The following ADIPOR2 variants were observed in gnomAD, a reference collection of about 807,000 sequenced individuals.
ADIPOR2 encodes the protein adiponectin receptor 2.
ADIPOR2 carries 18 observed loss-of-function variants against 40.9 expected under a neutral mutation model. The observed-to-expected ratio is 0.44, with a 90% confidence interval of 0.30 to 0.65. The LOEUF is 0.65. ADIPOR2 is among the 30% of genes least tolerant of loss of function. ADIPOR2 has a pLI of 0.09. For synonymous variants in ADIPOR2, 165 were observed against 166.4 expected (o/e 0.99, Z 0.06); for missense variants, 283 against 479.2 (o/e 0.59, Z 3.82).
intron 2 of ADIPOR2, among the ~76,000 whole-genome samples, chr12:1,772,073 T>C (rs1862503519): frequency 6.6e-6 from 1 of 152,234 alleles, no homozygotes; most frequent in Non-Finnish European, 1.5e-5. Context: ...CACAATATCA[T>C]TTTATCTAAA....
intron 7 of ADIPOR2, among the ~76,000 whole-genome samples, chr12:1,784,633 T>C (rs920240043): frequency 1.3e-5 from 2 of 152,088 alleles, no homozygotes; most frequent in Non-Finnish European, 2.9e-5. Flanking sequence ...GGAGACTGAG[T>C]GTATGTATGT....
At chr12:1,703,803 G>A (rs888447574) in intron 1 of ADIPOR2, among the ~76,000 whole-genome samples, 5 of 151,816 alleles carry the variant, frequency 3.3e-5, no homozygotes, top group African/African-American at 9.7e-5. Flanking sequence ...TTTTGTTTGC[G>A]ACAGGGCTCA....
chr12:1,766,858 T>G (rs1370109571), intron 2 of ADIPOR2, among the ~76,000 whole-genome samples: 1 of 152,238 alleles, frequency 6.6e-6, no homozygotes, highest in Non-Finnish European at 1.5e-5. Context: ...CTGGTTTACT[T>G]TAACCAAAAT....
At chr12:1,734,981 T>C (rs1048010962) in intron 1 of ADIPOR2, among the ~76,000 whole-genome samples, 13 of 152,210 alleles carry the variant, frequency 8.5e-5, no homozygotes, top group Non-Finnish European at 1.6e-4. Flanking sequence ...AGTACCATGC[T>C]GTTTTGGTTA....
chr12:1,723,618 T>TGAC (rs2094702164), intron 1 of ADIPOR2, among the ~76,000 whole-genome samples: 2 of 151,638 alleles, frequency 1.3e-5, no homozygotes, highest in African/African-American at 2.4e-5. Flanking sequence ...CCAGTCTGGG[T>TGAC]GACAGAGCAA....
intron 1 of ADIPOR2, among the ~76,000 whole-genome samples, chr12:1,692,256 G>A (rs2094628692): frequency 6.6e-6 from 1 of 152,032 alleles, no homozygotes; most frequent in African/African-American, 2.4e-5. Flanking sequence ...TTTGGGGGGA[G>A]GCTATACGTC....
intron 6 of ADIPOR2, among the ~76,000 whole-genome samples, chr12:1,782,385 G>T (rs532302788): frequency 2.6e-5 from 4 of 152,340 alleles, no homozygotes; most frequent in African/African-American, 9.6e-5. Context: ...ATGACAGCTT[G>T]TTTTGCAAGG....
At chr12:1,723,588 C>G (rs1204347070) in intron 1 of ADIPOR2, among the ~76,000 whole-genome samples, 1 of 151,766 alleles carries the variant, frequency 6.6e-6, no homozygotes, top group Non-Finnish European at 1.5e-5. Context: ...TGCAGTGAGC[C>G]AAGATCGTGT....
intron 1 of ADIPOR2, among the ~76,000 whole-genome samples, chr12:1,722,115 G>T (rs1310379796): frequency 6.6e-6 from 1 of 152,218 alleles, no homozygotes; most frequent in East Asian, 1.9e-4. Context: ...GGAGACCTCT[G>T]GAGGCTGCTG....
At chr12:1,697,735 A>G (rs2094642198) in intron 1 of ADIPOR2, 1 of 152,664 alleles carries the variant, frequency 6.6e-6, no homozygotes, top group African/African-American at 2.4e-5. Flanking sequence ...AGCAAGATCA[A>G]AGCTTTGTAA....
intron 1 of ADIPOR2, among the ~76,000 whole-genome samples, chr12:1,723,824 G>C (rs1270111372): frequency 6.6e-6 from 1 of 151,958 alleles, no homozygotes; most frequent in African/African-American, 2.4e-5. Context: ...TCTACTTCTG[G>C]GTATATACTC....
chr12:1,751,453 TTTC>T (rs1338235673), intron 1 of ADIPOR2, among the ~76,000 whole-genome samples: 7 of 152,182 alleles, frequency 4.6e-5, no homozygotes, highest in African/African-American at 1.2e-4. Context: ...TGTCATTTGA[TTTC>T]TTCTTCTGAG....
At chr12:1,740,495 GC>G (rs56705398) in intron 1 of ADIPOR2, among the ~76,000 whole-genome samples, 23,024 of 151,996 alleles carry the variant, frequency 0.15, 1,909 homozygotes, top group African/African-American at 0.22. Flanking sequence ...AGTGGATTAG[GC>G]CCCCCCACCT....
chr12:1,780,706 C>T, intron 5 of ADIPOR2, 69 bp downstream of exon 5: 1 of 1,428,948 alleles, frequency 7.0e-7, no homozygotes, highest in South Asian at 1.5e-5. Context: ...AAACATTCAG[C>T]AGAGTTGGCA....
chr12:1,710,443 G>A lies in ADIPOR2; in HGVS notation c.-87+19252G>A, dbSNP rs150389382. On this transcript the variant is annotated intron_variant, in intron 1 of 7. Transcript: ENST00000357103. ...ACTCTGGACACATCTTGGTGACCCA[G>A]ACGGGACCATTGGACCCCTTTTGCT... 1.1e-3 allele frequency among the ~76,000 whole-genome samples: 163 copies of A among 152,214 alleles called. 3 individuals are homozygous for A. Among genetic ancestry groups the A allele is most frequent in the African/African-American group, 3.8e-3 (159 of 41,468 alleles).
intron 2 of ADIPOR2, among the ~76,000 whole-genome samples, chr12:1,763,249 G>A (rs1862306506): frequency 6.6e-6 from 1 of 152,196 alleles, no homozygotes; most frequent in African/African-American, 2.4e-5. Flanking sequence ...TGATTGTGAG[G>A]CACACTTAAT....
chr12:1,771,473 G>A (rs1862493399), intron 2 of ADIPOR2, among the ~76,000 whole-genome samples: 1 of 152,108 alleles, frequency 6.6e-6, no homozygotes, highest in African/African-American at 2.4e-5. Flanking sequence ...GTTAAAGAAG[G>A]GTTTTAAATA....
chr12:1,726,834 A>G (rs1401288198), intron 1 of ADIPOR2, among the ~76,000 whole-genome samples: 7 of 152,276 alleles, frequency 4.6e-5, no homozygotes, highest in African/African-American at 1.7e-4. Flanking sequence ...CCATTTCCAA[A>G]AAGAAACTCA....
chr12:1,691,491 C>T (rs1302214124), intron 1 of ADIPOR2, among the ~76,000 whole-genome samples: 1 of 152,224 alleles, frequency 6.6e-6, no homozygotes, highest in Non-Finnish European at 1.5e-5. Flanking sequence ...GGCGGAGGGT[C>T]GGAGCCTGCT....
Sources: gnomAD v4.1 joint callset for allele counts (sites outside exome capture counted in the v4.1 genomes callset) on GRCh38, gnomAD v4.1.1 for gene constraint, MANE v1.5 for transcripts, NCBI Gene and HGNC (gene_info 2026-07-23, HGNC 2026-07-21) for gene names.